The following CEP85 variants were observed in gnomAD, a reference collection of about 807,000 sequenced individuals.
The protein encoded by CEP85 is centrosomal protein of 85 kDa.
CEP85 carries 58 observed loss-of-function variants against 93.7 expected under a neutral mutation model. The ratio of observed to expected loss-of-function variants is 0.62; its 90% CI spans 0.50 to 0.77. CEP85 has a LOEUF of 0.77. CEP85 is among the 30% of genes least tolerant of loss of function. The probability of loss-of-function intolerance (pLI) is 0.00; values close to 1 mark genes in which losing one functional copy is unlikely to be tolerated. For synonymous variants in CEP85, 314 were observed against 338.6 expected, an observed-to-expected ratio of 0.93 and a Z score of 0.80; for missense variants, 868 against 922.0, an observed-to-expected ratio of 0.94 and a Z score of 0.76.
At chr1:26,260,856 T>TCTCA (rs2089796855) in intron 7 of CEP85, among the ~76,000 whole-genome samples, 1 of 151,422 alleles carries the variant, frequency 6.6e-6, no homozygotes, top group African/African-American at 2.4e-5. Flanking sequence ...AGTGGTGCAA[T>TCTCA]CTCAGCTCAC....
intron 1 of CEP85, among the ~76,000 whole-genome samples, chr1:26,238,062 T>G (rs1438661002): frequency 1.3e-5 from 2 of 151,564 alleles, no homozygotes; most frequent in Non-Finnish European, 2.9e-5. Context: ...TGGGTTGTTA[T>G]GTACTTTAGT....
In CEP85 at chr1:26,278,164, C is replaced by CT. The variant is rs2090079913; in HGVS notation, c.*872dup. Reference sequence around the variant, plus strand: ...AGGGCTACAGCCTGTGCCCAGCCCTCTAATTTGTGCCTCTCTTGTGTTGGG... The same window carrying CT: ...AGGGCTACAGCCTGTGCCCAGCCCTCTTAATTTGTGCCTCTCTTGTGTTGGG... On this transcript the variant is annotated 3_prime_UTR_variant, in exon 14 of 14. Coordinates refer to ENST00000451429, the MANE Select transcript of CEP85 (RefSeq NM_001319944.2). 1 of 152,846 alleles carries CT rather than the reference C, an allele frequency of 6.5e-6. No homozygotes were observed. Among genetic ancestry groups the CT allele is most frequent in the African/African-American group, 2.4e-5 (1 of 41,462 alleles). 9.5% of individuals were successfully genotyped at this position (152,846 alleles called of 1,614,324 possible). A position where few individuals can be genotyped will look rare whatever the true frequency, so the allele number is the denominator to read the frequency against.
chr1:26,277,192 C>CTA lies in CEP85; in HGVS notation c.2186_2187dup (p.Glu730Ter), dbSNP rs774240649. The CTA allele has an allele frequency of 1.2e-5, 20 of 1,614,032 alleles. No individual in the cohort carries two copies. Among genetic ancestry groups the CTA allele is most frequent in the Non-Finnish European group, 1.7e-5 (20 of 1,179,980 alleles). On this transcript the variant is annotated frameshift_variant, in exon 14 of 14. Transcript: ENST00000451429. LOFTEE classifies it high-confidence loss of function. Reference sequence around the variant, plus strand: ...GAAGCCAGATGTGATCAAGAGGAAACTAGAAGAGGTTCAACAGCTGCGTCG... The same window carrying CTA: ...GAAGCCAGATGTGATCAAGAGGAAACTATAGAAGAGGTTCAACAGCTGCGTCG...
intron 4 of CEP85, among the ~76,000 whole-genome samples, chr1:26,256,969 G>A (rs1241309555): frequency 6.7e-6 from 1 of 149,062 alleles, no homozygotes; most frequent in African/African-American, 2.5e-5. Context: ...TGGAGACAGA[G>A]TCTTGCTCTG....
chr1:26,267,476 C>T (rs2089909674), intron 7 of CEP85, among the ~76,000 whole-genome samples: 3 of 152,066 alleles, frequency 2.0e-5, no homozygotes, highest in Admixed American at 6.5e-5. Context: ...AGGCAGGAGA[C>T]TCTCTTGAAC....
chr1:26,259,595 A>G (rs1433538595), intron 6 of CEP85, 22 bp from the exon 7 acceptor site: 17 of 1,594,370 alleles, frequency 1.1e-5, no homozygotes, highest in Admixed American at 1.8e-5. Flanking sequence ...GAACAGTTAC[A>G]TATTGAGAAT....
rs2089964194 is a variant in CEP85 at position 26,270,918 on chromosome 1, G to A, written c.1650-96G>A. ...TATCCCCAGCTACTGCTTGGACTAA[G>A]TGTCTTGCCTCAAAATGTGCAATAA... On this transcript the variant is annotated intron_variant, in intron 9 of 13. Coordinates refer to ENST00000451429, the MANE Select transcript of CEP85 (RefSeq NM_001319944.2). The A allele has an allele frequency of 5.3e-6, 4 of 752,010 alleles. No homozygotes were observed. The South Asian group carries it at 6.1e-5, about 12-fold the overall frequency. 46.6% of individuals were successfully genotyped at this position (752,010 alleles called of 1,614,324 possible). A position where few individuals can be genotyped will look rare whatever the true frequency, so the allele number is the denominator to read the frequency against.
intron 1 of CEP85, among the ~76,000 whole-genome samples, chr1:26,237,712 G>GTGGA (rs2124553150): frequency 6.6e-6 from 1 of 152,274 alleles, no homozygotes; most frequent in Admixed American, 6.5e-5. Context: ...ATACTTCAGT[G>GTGGA]TGGAATTGCT....
In CEP85 at chr1:26,239,742, G is replaced by A. The variant is rs201665417; in HGVS notation, c.-22-20G>A. ...TAAAGATACTTCAGAGAACTGACTG[G>A]TTATTCCTTCATTCTACAGTTGGCT... On this transcript the variant is annotated intron_variant, in intron 1 of 13. Coordinates refer to ENST00000451429, the MANE Select transcript of CEP85 (RefSeq NM_001319944.2). 10 of 1,445,558 alleles carry A rather than the reference G, an allele frequency of 6.9e-6. No homozygotes were observed. The highest frequency in any genetic ancestry group is 3.9e-6 in the Non-Finnish European group (4 of 1,026,518). The allele number at this position is 1,445,558 out of a possible 1,614,324, so 89.5% of individuals were successfully genotyped here. A position where few individuals can be genotyped will look rare whatever the true frequency, so the allele number is the denominator to read the frequency against.
chr1:26,264,899 A>G (rs1570026411), intron 7 of CEP85, among the ~76,000 whole-genome samples: 1 of 146,698 alleles, frequency 6.8e-6, no homozygotes, highest in Non-Finnish European at 1.5e-5. Flanking sequence ...TGCAGCCTCC[A>G]CCTCCCAGAT....
chr1:26,250,935 T>TC (rs1557653738), intron 3 of CEP85, among the ~76,000 whole-genome samples: 1 of 71,348 alleles, frequency 1.4e-5, no homozygotes, highest in African/African-American at 6.4e-5. Flanking sequence ...CTTTTTTCTT[T>TC]TTTTTTTTTT....
intron 7 of CEP85, among the ~76,000 whole-genome samples, chr1:26,262,882 A>G (rs6689224): frequency 0.88 from 133,510 of 152,196 alleles, 59,523 homozygotes; most frequent in Non-Finnish European, 0.93. Context: ...GATGATAGGC[A>G]CATGCCACCA....
Position 26,275,046 on chromosome 1 carries a change from A to C in CEP85, c.1877A>C (p.Gln626Pro). The C allele has an allele frequency of 1.9e-6, 3 of 1,580,976 alleles. No homozygotes were observed. Among genetic ancestry groups the C allele is most frequent in the Non-Finnish European group, 2.6e-6 (3 of 1,163,368 alleles). ...GCCCAGCGAAGGGATTCAGCCCTGC[A>C]GCAGCTGCGCACAGCCGTGAAGGAG... ...EEAQRRDSALQQLRTAVKELS... is the reference protein window; with the variant it reads ...EEAQRRDSALPQLRTAVKELS... Residue 626 changes from glutamine to proline, a missense_variant, in exon 12 of 14, where the codon CAG (glutamine) becomes CCG (proline). Gln to Pro is a moderately conservative substitution (Grantham distance 76, BLOSUM62 -1). Coordinates refer to ENST00000451429, the MANE Select transcript of CEP85 (RefSeq NM_001319944.2).
At chr1:26,241,669 C>T (rs1190594586) in intron 2 of CEP85, among the ~76,000 whole-genome samples, 1 of 152,076 alleles carries the variant, frequency 6.6e-6, no homozygotes, top group African/African-American at 2.4e-5. Context: ...TTTTTTCTCT[C>T]TTCAATAGTA....
chr1:26,241,244 ATTTTTT>A (rs71004567), intron 2 of CEP85, among the ~76,000 whole-genome samples: 1 of 109,286 alleles, frequency 9.2e-6, no homozygotes, highest in Non-Finnish European at 1.8e-5. Context: ...ATTCAGCAGA[ATTTTTT>A]TTTTTTTTTT....
At chr1:26,275,442 G>A (rs755545881) in intron 12 of CEP85, among the ~76,000 whole-genome samples, 2 of 151,958 alleles carry the variant, frequency 1.3e-5, no homozygotes, top group African/African-American at 4.8e-5. Context: ...CACCACGCCC[G>A]GCTAATTTTT....
At chr1:26,260,419 A>G (rs1338367928) in intron 7 of CEP85, among the ~76,000 whole-genome samples, 4 of 151,688 alleles carry the variant, frequency 2.6e-5, no homozygotes, top group Non-Finnish European at 5.9e-5. Flanking sequence ...TGAACCCGGG[A>G]GACAGAGGTT....
intron 4 of CEP85, among the ~76,000 whole-genome samples, chr1:26,257,016 C>T (rs568653358): frequency 6.6e-6 from 1 of 151,010 alleles, no homozygotes; most frequent in African/African-American, 2.4e-5. Flanking sequence ...CTGCAACCTC[C>T]ACCTCTCAGG....
chr1:26,269,541 A>T lies in CEP85; in HGVS notation c.1576A>T (p.Ile526Phe). The T allele has an allele frequency of 6.2e-7, 1 of 1,614,034 alleles. No individual in the cohort carries two copies. The highest frequency in any genetic ancestry group is 8.5e-7 in the Non-Finnish European group (1 of 1,179,924). Residue 526 changes from isoleucine (I) to phenylalanine (F), a missense_variant, in exon 9 of 14, where the codon ATC (isoleucine) becomes TTC (phenylalanine). Ile to Phe is a conservative substitution (Grantham distance 21, BLOSUM62 0). Coordinates refer to ENST00000451429, the MANE Select transcript of CEP85 (RefSeq NM_001319944.2). ...LESLLEETQAICREKEIQLES... is the reference protein window; with the variant it reads ...LESLLEETQAFCREKEIQLES... ...GAGTTTGCTGGAGGAGACCCAGGCA[A>T]TCTGCAGAGAGAAGGAGATTCAACT...
Sources: allele counts gnomAD v4.1 joint callset (sites outside exome capture counted in the v4.1 genomes callset), GRCh38; gene constraint gnomAD v4.1.1; transcripts MANE v1.5; gene names NCBI Gene and HGNC (gene_info 2026-07-23, HGNC 2026-07-21).